Variants in PAPPA observed in about 807,000 individuals in gnomAD.
PAPPA encodes pappalysin 1.
A neutral mutation model predicts 164.0 loss-of-function variants in PAPPA; 60 were observed. That is an observed-to-expected ratio of 0.37 (90% CI 0.30 to 0.45). The LOEUF is 0.45. Ranked by LOEUF, PAPPA falls within the 20% of genes least tolerant of loss-of-function variation. The pLI, the probability that PAPPA is intolerant of heterozygous loss-of-function variation, is 1.00. For synonymous variants in PAPPA, 875 were observed against 814.1 expected (o/e 1.07, Z -1.27); for missense variants, 1,782 against 2,087.3 (o/e 0.85, Z 2.85).
chr9:116,197,728 G>A (rs1021742204), intron 2 of PAPPA, among the ~76,000 whole-genome samples: 11 of 152,168 alleles, frequency 7.2e-5, no homozygotes, highest in African/African-American at 2.7e-4. Context: ...TCATCCAGAG[G>A]GACCTACATC....
rs190711873 is a variant in PAPPA, at chr9:116,210,349, A to C, written c.1625-1290A>C. ...TTCAAAATCAGAGACCTCTGCATAG[A>C]CTCTATGAGTCCCTTGACTGAGCAA... On this transcript the variant is annotated intron_variant, in intron 3 of 21. Coordinates refer to ENST00000328252, the MANE Select transcript of PAPPA (RefSeq NM_002581.5). Among the ~76,000 whole-genome samples, 1,072 of 152,054 alleles carry C rather than the reference A, an allele frequency of 7.1e-3. 13 individuals carry two copies. Among genetic ancestry groups the C allele is most frequent in the African/African-American group, 0.025 (1,031 of 41,486 alleles).
intron 10 of PAPPA, among the ~76,000 whole-genome samples, chr9:116,325,800 T>C (rs114913327): frequency 0.011 from 1,726 of 152,226 alleles, 26 homozygotes; most frequent in African/African-American, 0.037. Flanking sequence ...CAGCAAAAAA[T>C]AGGATCAATA....
At chr9:116,218,365 G>A (rs1844401936) in intron 4 of PAPPA, among the ~76,000 whole-genome samples, 1 of 152,212 alleles carries the variant, frequency 6.6e-6, no homozygotes, top group Non-Finnish European at 1.5e-5. Context: ...AGTATATGCT[G>A]CAGGATTCCC....
At chr9:116,174,616 C>T (rs1047194518) in intron 1 of PAPPA, among the ~76,000 whole-genome samples, 3 of 152,154 alleles carry the variant, frequency 2.0e-5, no homozygotes, top group African/African-American at 7.2e-5. Context: ...CTGTTAGACA[C>T]AGTTGGCACA....
chr9:116,176,717 A>G (rs762701350), intron 1 of PAPPA, among the ~76,000 whole-genome samples: 1 of 152,196 alleles, frequency 6.6e-6, no homozygotes, highest in Non-Finnish European at 1.5e-5. Context: ...GAGTCTGTTG[A>G]GCACCTACTA....
intron 20 of PAPPA, among the ~76,000 whole-genome samples, chr9:116,380,163 C>G (rs1005647849): frequency 6.6e-6 from 1 of 152,206 alleles, no homozygotes. Flanking sequence ...AAGTCTGTCT[C>G]TTCACCAGAG....
intron 7 of PAPPA, among the ~76,000 whole-genome samples, chr9:116,253,808 T>C (rs1183311165): frequency 6.6e-6 from 1 of 152,240 alleles, no homozygotes; most frequent in Non-Finnish European, 1.5e-5. Flanking sequence ...AAGTTTTAGT[T>C]ATTGTTAAAT....
chr9:116,172,856 G>C (rs80311659), intron 1 of PAPPA, among the ~76,000 whole-genome samples: 1 of 152,164 alleles, frequency 6.6e-6, no homozygotes, highest in Non-Finnish European at 1.5e-5. Context: ...GGAGTCTTGA[G>C]TTTAAAATTT....
At chr9:116,170,456 A>G (rs1314702791) in intron 1 of PAPPA, among the ~76,000 whole-genome samples, 1 of 152,148 alleles carries the variant, frequency 6.6e-6, no homozygotes, top group East Asian at 1.9e-4. Context: ...GTACACTTCA[A>G]ATGTGGTCTG....
intron 1 of PAPPA, among the ~76,000 whole-genome samples, chr9:116,158,630 C>A (rs1411430176): frequency 3.9e-5 from 6 of 152,200 alleles, no homozygotes; most frequent in Non-Finnish European, 5.9e-5. Flanking sequence ...AGGTGCTCAA[C>A]AAACTTCATT....
intron 5 of PAPPA, among the ~76,000 whole-genome samples, chr9:116,220,791 C>A (rs899964994): frequency 4.0e-5 from 6 of 151,372 alleles, no homozygotes; most frequent in African/African-American, 1.5e-4. Flanking sequence ...GAGGCTGAGG[C>A]AGGAGAATGC....
In PAPPA at chr9:116,265,889, G is replaced by T. The variant is rs1845062272; in HGVS notation, c.2765G>T (p.Trp922Leu). Residue 922 changes from tryptophan (W) to leucine (L), a missense_variant, in exon 8 of 22, where the codon TGG (tryptophan) becomes TTG (leucine). Trp to Leu is a moderately conservative substitution (Grantham distance 61). Transcript: ENST00000328252. ...AATCTTGGCAGTGTGTACCAGTATT[G>T]GGTCATAACTATTTCAGGAACTGAA... is the stretch of plus-strand genomic sequence containing the variant. ...DLNLGSVYQY[W>L]VITISGTEES... 3 of 1,609,846 alleles carry T rather than the reference G, an allele frequency of 1.9e-6. No individual in the cohort carries two copies. Among genetic ancestry groups the T allele is most frequent in the Non-Finnish European group, 2.6e-6 (3 of 1,176,366 alleles).
chr9:116,365,996 G>A (rs1846496105), intron 18 of PAPPA, among the ~76,000 whole-genome samples: 1 of 152,134 alleles, frequency 6.6e-6, no homozygotes, highest in Admixed American at 6.5e-5. Context: ...ATATTTGGAA[G>A]GGGGCCTCTG....
At chr9:116,188,283 A>G in intron 2 of PAPPA, 67 bp downstream of exon 2, 2 of 1,207,982 alleles carry the variant, frequency 1.7e-6, no homozygotes, top group Non-Finnish European at 1.2e-6. Context: ...TATTATAGAT[A>G]AGGCACCTGA....
intron 1 of PAPPA, among the ~76,000 whole-genome samples, chr9:116,168,448 C>G (rs1360612048): frequency 6.6e-6 from 1 of 152,070 alleles, no homozygotes; most frequent in East Asian, 1.9e-4. Context: ...TTAACAGAGT[C>G]CTGGGGAAGC....
intron 17 of PAPPA, among the ~76,000 whole-genome samples, chr9:116,355,111 C>T (rs1011122250): frequency 6.6e-6 from 1 of 152,210 alleles, no homozygotes; most frequent in African/African-American, 2.4e-5. Context: ...ACAACATTGG[C>T]CACACTGCGT....
At chr9:116,296,781 G>T (rs1388633279) in intron 9 of PAPPA, among the ~76,000 whole-genome samples, 1 of 152,128 alleles carries the variant, frequency 6.6e-6, no homozygotes, top group Non-Finnish European at 1.5e-5. Flanking sequence ...TGTGGAATGT[G>T]CATGAAGAGG....
intron 7 of PAPPA, among the ~76,000 whole-genome samples, chr9:116,238,298 C>A (rs1053483552): frequency 6.6e-6 from 1 of 152,162 alleles, no homozygotes; most frequent in Non-Finnish European, 1.5e-5. Context: ...GCTCTCAGGC[C>A]CCAGTCCAGC....
In PAPPA at chr9:116,308,532, C is replaced by T. The variant is rs1000389572; in HGVS notation, c.3147+5582C>T. 3.9e-5 allele frequency among the ~76,000 whole-genome samples: 6 copies of T among 152,316 alleles called. No homozygotes were observed. In the South Asian group the frequency reaches 1.0e-3, roughly 26 times the overall value. ...GAGCAGAGTAACTTGCTTCAGGGCT[C>T]ATCTCTATAAGGGGCAGAACCAAGA... On this transcript the variant is annotated intron_variant, in intron 10 of 21. Coordinates refer to ENST00000328252, the MANE Select transcript of PAPPA (RefSeq NM_002581.5).
Sources: gnomAD v4.1 joint callset for allele counts (sites outside exome capture counted in the v4.1 genomes callset) on GRCh38, gnomAD v4.1.1 for gene constraint, MANE v1.5 for transcripts, NCBI Gene and HGNC (gene_info 2026-07-23, HGNC 2026-07-21) for gene names.